The following SEPTIN7 variants were observed in gnomAD, a reference collection of about 807,000 sequenced individuals.
The protein encoded by SEPTIN7 is septin 7, also known as septin-7.
In SEPTIN7, 10 loss-of-function variants were observed where a neutral mutation model predicts 63.3. That is an observed-to-expected ratio of 0.16 (90% CI 0.10 to 0.27). The LOEUF is 0.27. SEPTIN7 is among the 10% of genes least tolerant of loss of function. The probability of loss-of-function intolerance (pLI) is 1.00; values close to 1 mark genes in which losing one functional copy is unlikely to be tolerated. For missense variants in SEPTIN7, 310 were observed against 521.0 expected, an observed-to-expected ratio of 0.59 and a Z score of 3.94; for synonymous variants, 131 against 165.3, an observed-to-expected ratio of 0.79 and a Z score of 1.59.
At chr7:35,864,387 C>G (rs1785682722) in intron 4 of SEPTIN7, among the ~76,000 whole-genome samples, 1 of 152,116 alleles carries the variant, frequency 6.6e-6, no homozygotes, top group African/African-American at 2.4e-5. Context: ...GATGGTAGAT[C>G]ACACTTTATA....
In SEPTIN7 at chr7:35,819,109, C is replaced by T. The variant is rs77493057; in HGVS notation, c.62-12383C>T. On this transcript the variant is annotated intron_variant, in intron 1 of 13. Transcript: ENST00000350320. ...ACAGCTGTAAATTTCCTTCTAAGCA[C>T]TGATTTAGCTGCATTCAATACATTT... 9.0e-3 allele frequency among the ~76,000 whole-genome samples: 1,373 copies of T among 152,112 alleles called. 28 individuals are homozygous for T. Among genetic ancestry groups the T allele is most frequent in the East Asian group, 0.08 (415 of 5,180 alleles).
intron 4 of SEPTIN7, among the ~76,000 whole-genome samples, chr7:35,865,542 C>G (rs1348969253): frequency 1.3e-5 from 2 of 150,132 alleles, no homozygotes; most frequent in African/African-American, 2.5e-5. Flanking sequence ...TTTAGATAAG[C>G]CTTTGGGTTT....
At chr7:35,839,633 A>G (rs1784308600) in intron 3 of SEPTIN7, among the ~76,000 whole-genome samples, 1 of 151,946 alleles carries the variant, frequency 6.6e-6, no homozygotes, top group South Asian at 2.1e-4. Context: ...GCTCACTGCA[A>G]CCTCCACCTC....
At chr7:35,863,908 A>G (rs545507906) in intron 4 of SEPTIN7, among the ~76,000 whole-genome samples, 3 of 148,912 alleles carry the variant, frequency 2.0e-5, no homozygotes, top group South Asian at 2.2e-4. Context: ...ATAGTAACCA[A>G]TTCCCCTGGA....
intron 3 of SEPTIN7, among the ~76,000 whole-genome samples, chr7:35,837,050 G>GA (rs1410057075): frequency 6.6e-6 from 1 of 151,942 alleles, no homozygotes; most frequent in African/African-American, 2.4e-5. Context: ...AAGTTTAGAA[G>GA]AAAAAAATCA....
intron 4 of SEPTIN7, among the ~76,000 whole-genome samples, chr7:35,867,262 A>T (rs1287903705): frequency 1.3e-5 from 2 of 152,302 alleles, no homozygotes; most frequent in Admixed American, 6.5e-5. Context: ...GATTAACAAA[A>T]TTTTTTGGAA....
At position 35,904,246 on chromosome 7, in the gene SEPTIN7, T is replaced by C. The variant is rs1237478355; in HGVS notation, c.1275-8T>C. 2 of 1,541,830 alleles carry C rather than the reference T, an allele frequency of 1.3e-6. No individual in the cohort carries two copies. Among genetic ancestry groups the C allele is most frequent in the Non-Finnish European group, 1.8e-6 (2 of 1,142,618 alleles). On this transcript the variant is annotated splice_region_variant and splice_polypyrimidine_tract_variant and intron_variant, in intron 13 of 13. Transcript: ENST00000350320. ...ACTCATCTTGCTTATTTTCCTTTTATCCTTTAGAACCTTGGAAAAGAACAA... is the reference window on the plus strand; with the variant it reads ...ACTCATCTTGCTTATTTTCCTTTTACCCTTTAGAACCTTGGAAAAGAACAA...
chr7:35,852,917 C>G (rs1785030095), intron 3 of SEPTIN7, among the ~76,000 whole-genome samples: 1 of 152,018 alleles, frequency 6.6e-6, no homozygotes, highest in African/African-American at 2.4e-5. Context: ...ATTATTGTAT[C>G]TTGTAAAATG....
chr7:35,839,664 G>A (rs1784310467), intron 3 of SEPTIN7, among the ~76,000 whole-genome samples: 1 of 152,068 alleles, frequency 6.6e-6, no homozygotes, highest in Non-Finnish European at 1.5e-5. Flanking sequence ...GCAATTCTCT[G>A]CCTCAGCCTC....
chr7:35,901,063 CTTGT>C (rs896444020), intron 12 of SEPTIN7: 3 of 152,112 alleles, frequency 2.0e-5, no homozygotes, highest in Non-Finnish European at 2.9e-5. Flanking sequence ...CCCTTTTAGC[CTTGT>C]TTAATACAGT....
intron 1 of SEPTIN7, among the ~76,000 whole-genome samples, chr7:35,823,783 C>G (rs375074129): frequency 6.6e-6 from 1 of 152,114 alleles, no homozygotes; most frequent in Non-Finnish European, 1.5e-5. Flanking sequence ...ATGGCTGTTA[C>G]GTATTCCTAG....
chr7:35,883,595 A>G (rs780012749), intron 8 of SEPTIN7, among the ~76,000 whole-genome samples: 1 of 135,160 alleles, frequency 7.4e-6, no homozygotes, highest in Non-Finnish European at 1.6e-5. Flanking sequence ...ATCCCCCCCC[A>G]GGTATGGGAC....
intron 7 of SEPTIN7, among the ~76,000 whole-genome samples, chr7:35,880,389 C>T (rs1786804702): frequency 6.6e-6 from 1 of 151,732 alleles, no homozygotes; most frequent in Non-Finnish European, 1.5e-5. Flanking sequence ...TTCACTGTGA[C>T]TTTGCCAGCA....
Position 35,801,239 on chromosome 7 carries a change from T to A in SEPTIN7, c.30T>A (p.Ala10=). The A allele has an allele frequency of 1.3e-6, 2 of 1,535,012 alleles. No individual in the cohort carries two copies. The highest frequency in any genetic ancestry group is 1.2e-5 in the South Asian group (1 of 81,964). ...CGGTCAGTGCGAGATCCGCTGCTGC[T>A]GAGGAGAGGAGCGTCAACAGCAGCA... is the stretch of plus-strand genomic sequence containing the variant. MSVSARSAA[A]EERSVNSSTM... The change falls in exon 1 of 14, where the codon GCT becomes GCA. Residue 10 remains alanine (A), a synonymous_variant. Coordinates refer to ENST00000350320, the MANE Select transcript of SEPTIN7 (RefSeq NM_001788.6).
At chr7:35,873,600 A>T in intron 5 of SEPTIN7, 41 bp from the exon 6 acceptor site, 1 of 1,578,190 alleles carries the variant, frequency 6.3e-7, no homozygotes. Context: ...GTTAATTCAT[A>T]TGTAGAATTG....
chr7:35,906,593 T>G lies in SEPTIN7; in HGVS notation c.*2300T>G, dbSNP rs1028851493. On this transcript the variant is annotated 3_prime_UTR_variant, in exon 14 of 14. Coordinates refer to ENST00000350320, the MANE Select transcript of SEPTIN7 (RefSeq NM_001788.6). ...AACAAGTAAGCACTAATAATACCAG[T>G]GAACCACTTGGGCACCTTGTGGGTA... The G allele has an allele frequency of 5.9e-5, 9 of 152,226 alleles. No individual in the cohort carries two copies. Among genetic ancestry groups the G allele is most frequent in the African/African-American group, 1.9e-4 (8 of 41,458 alleles). The allele number at this position is 152,226 out of a possible 1,614,324, so 9.4% of individuals were successfully genotyped here.
At chr7:35,809,403 T>G (rs776211572) in intron 1 of SEPTIN7, among the ~76,000 whole-genome samples, 2 of 152,174 alleles carry the variant, frequency 1.3e-5, no homozygotes, top group African/African-American at 4.8e-5. Context: ...TAATAAACAC[T>G]GAGATGTTAG....
chr7:35,817,789 A>G (rs1789170527), intron 1 of SEPTIN7, among the ~76,000 whole-genome samples: 1 of 151,858 alleles, frequency 6.6e-6, no homozygotes, highest in African/African-American at 2.4e-5. Context: ...TTTATTCTTG[A>G]TGCTATCACA....
chr7:35,826,768 CT>C (rs1309280917), intron 1 of SEPTIN7, among the ~76,000 whole-genome samples: 12 of 152,010 alleles, frequency 7.9e-5, no homozygotes, highest in Non-Finnish European at 1.3e-4. Flanking sequence ...TAAGTTGCTG[CT>C]TTTTCCTATT....
Sources: allele counts gnomAD v4.1 joint callset (sites outside exome capture counted in the v4.1 genomes callset), GRCh38; gene constraint gnomAD v4.1.1; transcripts MANE v1.5; gene names NCBI Gene and HGNC (gene_info 2026-07-23, HGNC 2026-07-21).